Variants in ZNF442 observed in about 807,000 individuals in gnomAD.
ZNF442 encodes the protein zinc finger protein 442.
Under a neutral mutation model 57.0 loss-of-function variants are expected in ZNF442, and 45 were observed. That is an observed-to-expected ratio of 0.79 (90% CI 0.62 to 1.01). ZNF442 has a LOEUF of 1.01. ZNF442 is among the 50% of genes least tolerant of loss of function. The probability of loss-of-function intolerance (pLI) is 0.00; values close to 1 mark genes in which losing one functional copy is unlikely to be tolerated. For missense variants in ZNF442, 690 were observed against 756.5 expected (o/e 0.91, Z 1.03); for synonymous variants, 213 against 241.8 (o/e 0.88, Z 1.10).
At chr19:12,368,823 C>A (rs1969558667), upstream of ZNF442, among the ~76,000 whole-genome samples, 1 of 152,142 alleles carries the variant, frequency 6.6e-6, no homozygotes, top group Admixed American at 6.6e-5. Context: ...AGCAGCCAGA[C>A]CCTTTTGCCA....
chr19:12,354,796 T>C (rs141580213), intron 3 of ZNF442, among the ~76,000 whole-genome samples: 57 of 152,370 alleles, frequency 3.7e-4, no homozygotes, highest in African/African-American at 1.3e-3. Context: ...ATCTTCATTA[T>C]TTTCTTATTA....
the ZNF442 span, among the ~76,000 whole-genome samples, chr19:12,372,228 G>T: frequency 5.5e-4 from 83 of 152,268 alleles, 2 homozygotes; most frequent in South Asian, 0.017. Flanking sequence ...AGGCCAAGGT[G>T]GGCGGATTAC....
At chr19:12,351,766 G>A (rs910528492) in intron 5 of ZNF442, 16 of 428,308 alleles carry the variant, frequency 3.7e-5, no homozygotes, top group African/African-American at 2.8e-4. Context: ...GCCTCCCAAA[G>A]TGCTGGGATT....
intron 3 of ZNF442, among the ~76,000 whole-genome samples, chr19:12,361,548 T>C (rs1032280219): frequency 6.6e-6 from 1 of 152,224 alleles, no homozygotes; most frequent in Non-Finnish European, 1.5e-5. Flanking sequence ...CATTTTTCCT[T>C]AGTCATACTG....
At chr19:12,369,400 C>T (rs1969563091), upstream of ZNF442, among the ~76,000 whole-genome samples, 1 of 152,222 alleles carries the variant, frequency 6.6e-6, no homozygotes, top group South Asian at 2.1e-4. Flanking sequence ...GGGTGGATCA[C>T]CTGAGGTCGG....
At chr19:12,368,513 G>A (rs914334879), upstream of ZNF442, among the ~76,000 whole-genome samples, 5 of 152,166 alleles carry the variant, frequency 3.3e-5, no homozygotes, top group African/African-American at 1.2e-4. Context: ...TCCCGCAACA[G>A]ACTACAAGAT....
At chr19:12,363,146 GA>G (rs1204300091) in intron 3 of ZNF442, among the ~76,000 whole-genome samples, 1 of 119,820 alleles carries the variant, frequency 8.3e-6, no homozygotes, top group Non-Finnish European at 1.6e-5. Context: ...GCAACAGTGC[GA>G]AGCTCCGTCT....
Position 12,347,119 on chromosome 19 carries a change from G to A in ZNF442, c.*2582C>T, listed in dbSNP as rs1328966623. On this transcript the variant is annotated 3_prime_UTR_variant, in exon 6 of 6. Transcript: ENST00000242804. ...GTTCAAAGGGTAACACTGCCCTCTA[G>A]GCAACATCGTGGAGGTCTATTTGAG... 2 of 152,172 alleles carry A rather than the reference G, an allele frequency of 1.3e-5. No individual in the cohort carries two copies. Among genetic ancestry groups the A allele is most frequent in the Non-Finnish European group, 2.9e-5 (2 of 68,030 alleles). The allele number at this position is 152,172 out of a possible 1,614,324, so 9.4% of individuals were successfully genotyped here.
At chr19:12,364,438 G>A (rs1356736834) in intron 2 of ZNF442, among the ~76,000 whole-genome samples, 36 of 150,114 alleles carry the variant, frequency 2.4e-4, no homozygotes, top group African/African-American at 8.4e-4. Context: ...AAGAAAAAAA[G>A]AAGCCATCCA....
rs777193234 is a variant in ZNF442 at position 12,350,763 on chromosome 19, G to C, written c.822C>G (p.Phe274Leu). 4 of 1,613,812 alleles carry C rather than the reference G, an allele frequency of 2.5e-6. No homozygotes were observed. The South Asian group carries it at 4.4e-5, about 18-fold the overall frequency. The part of the protein sequence containing the change: ...PYECKHCSKA[F>L]PDYSSYVRHE... ...GTCTTACATAGGAACTGTAATCAGG[G>C]AAGGCTTTGGAACAGTGCTTGCATT... is the stretch of plus-strand genomic sequence containing the variant. Residue 274 changes from phenylalanine (F) to leucine (L), a missense_variant, in exon 6 of 6, where the codon TTC becomes TTG. By Grantham distance (22) the Phe-to-Leu change is conservative. Coordinates refer to ENST00000242804, the MANE Select transcript of ZNF442 (RefSeq NM_030824.3).
At chr19:12,363,112 T>C (rs547915120) in intron 3 of ZNF442, among the ~76,000 whole-genome samples, 2 of 132,938 alleles carry the variant, frequency 1.5e-5, no homozygotes, top group South Asian at 4.6e-4. Flanking sequence ...TAAGCTGAGA[T>C]CGCACAACTG....
chr19:12,349,738 T>C lies in ZNF442; in HGVS notation c.1847A>G (p.His616Arg), dbSNP rs1256295317. 2 of 1,613,374 alleles carry C rather than the reference T, an allele frequency of 1.2e-6. No homozygotes were observed. Among genetic ancestry groups the C allele is most frequent in the Non-Finnish European group, 1.7e-6 (2 of 1,179,648 alleles). The change falls in exon 6 of 6, where the codon CAT (histidine) becomes CGT (arginine). Residue 616 changes from histidine to arginine, a missense_variant. Transcript: ENST00000242804. Reference sequence around the variant, plus strand: ...TCTCCAGTGAGTCCTTTTATGTCTATGCAAGGAACTGAGAGAACTCAGTGC... The same window carrying C: ...TCTCCAGTGAGTCCTTTTATGTCTACGCAAGGAACTGAGAGAACTCAGTGC... ...GKALSSLSSL[H>R]RHKRTHWRDT...
At chr19:12,358,166 T>C (rs1442622366) in intron 3 of ZNF442, among the ~76,000 whole-genome samples, 4 of 152,114 alleles carry the variant, frequency 2.6e-5, no homozygotes, top group Non-Finnish European at 5.9e-5. Flanking sequence ...GGTTTCACCA[T>C]CTTGGTCAGG....
rs1030905613 is a variant in ZNF442 at position 12,350,812 on chromosome 19, G to A, written c.773C>T (p.Thr258Ile). The A allele has an allele frequency of 5.0e-6, 8 of 1,613,672 alleles. No homozygotes were observed. The African/African-American group carries it at 9.4e-5, about 19-fold the overall frequency. Residue 258 changes from threonine (T) to isoleucine (I), a missense_variant, in exon 6 of 6, where the codon ACA (threonine) becomes ATA (isoleucine). Physicochemically the swap from Thr to Ile is moderately conservative, Grantham distance 89 (BLOSUM62 -1). Transcript: ENST00000242804. ...TTCATATGGTTTCTCCCCAGTGTGTGTTCTTTCATGTCTTAGATAGGAACT... is the reference window on the plus strand; with the variant it reads ...TTCATATGGTTTCTCCCCAGTGTGTATTCTTTCATGTCTTAGATAGGAACT... ...IYSSYLRHERTHTGEKPYECK... is the reference protein window; with the variant it reads ...IYSSYLRHERIHTGEKPYECK...
At chr19:12,353,332 G>C (rs1217332507) in intron 3 of ZNF442, among the ~76,000 whole-genome samples, 1 of 152,164 alleles carries the variant, frequency 6.6e-6, no homozygotes, top group African/African-American at 2.4e-5. Context: ...ATAGGAACAA[G>C]TCTCTTTTTG....
At chr19:12,367,676 TA>T (rs1969549466), upstream of ZNF442, among the ~76,000 whole-genome samples, 2 of 149,890 alleles carry the variant, frequency 1.3e-5, no homozygotes, top group Non-Finnish European at 1.5e-5. Flanking sequence ...TTATTATATA[TA>T]TTTTTTTGAG....
At chr19:12,357,434 C>A (rs1334578343) in intron 3 of ZNF442, among the ~76,000 whole-genome samples, 1 of 148,546 alleles carries the variant, frequency 6.7e-6, no homozygotes, top group Non-Finnish European at 1.5e-5. Context: ...TCACTGCAAC[C>A]TCCACCTCCT....
chr19:12,351,397 T>C, intron 5 of ZNF442, 79 bp from the exon 6 acceptor site: 1 of 1,319,390 alleles, frequency 7.6e-7, no homozygotes. Context: ...TGGATTTACA[T>C]TTTTACATCA....
intron 3 of ZNF442, among the ~76,000 whole-genome samples, chr19:12,357,472 C>T (rs947471317): frequency 2.0e-5 from 3 of 151,528 alleles, no homozygotes; most frequent in Non-Finnish European, 4.4e-5. Context: ...CTGCCTCAGC[C>T]TCCCAAGTAG....
Sources: allele counts gnomAD v4.1 joint callset (sites outside exome capture counted in the v4.1 genomes callset), GRCh38; gene constraint gnomAD v4.1.1; transcripts MANE v1.5; gene names NCBI Gene and HGNC (gene_info 2026-07-23, HGNC 2026-07-21).